Variants in COL13A1 observed in about 807,000 individuals in gnomAD.
COL13A1 encodes the protein collagen alpha-1(XIII) chain.
A neutral mutation model predicts 130.9 loss-of-function variants in COL13A1; 89 were observed. The ratio of observed to expected loss-of-function variants is 0.68; its 90% CI spans 0.57 to 0.81. COL13A1 has a LOEUF of 0.81. Ranked by LOEUF, COL13A1 falls within the 30% of genes least tolerant of loss-of-function variation. COL13A1 has a pLI of 0.00. For synonymous variants in COL13A1, 402 were observed against 341.6 expected (o/e 1.18, Z -1.95); for missense variants, 879 against 934.6 (o/e 0.94, Z 0.78).
chr10:69,859,010 C>T (rs1857236745), intron 2 of COL13A1, among the ~76,000 whole-genome samples: 1 of 152,072 alleles, frequency 6.6e-6, no homozygotes, highest in African/African-American at 2.4e-5. Flanking sequence ...GTCTTTGGGG[C>T]TAAGGGCATG....
At chr10:69,820,391 A>G (rs1363484415) in intron 1 of COL13A1, among the ~76,000 whole-genome samples, 3 of 151,800 alleles carry the variant, frequency 2.0e-5, no homozygotes, top group Non-Finnish European at 1.5e-5. Context: ...AATGCTGCCA[A>G]CTCCTCTGGT....
rs761635759 is a variant in COL13A1 at position 69,802,529 on chromosome 10, G to A, written c.106G>A (p.Gly36Ser). ...TCTGGTGGCGGCGCGGGCGGAGCGC[G>A]GCGCACGGCTGCCGAGTCCAGGGTC... The part of the protein sequence containing the change: ...VALVAARAER[G>S]ARLPSPGSCG... The change falls in exon 1 of 41, where the codon GGC becomes AGC. Residue 36 changes from glycine (G) to serine (S), a missense_variant. By Grantham distance (56) the Gly-to-Ser change is moderately conservative. This residue lies in a region of COL13A1 where 715 missense variants were observed against 721.0 expected (regional missense o/e 0.99). Coordinates refer to ENST00000645393, the MANE Select transcript of COL13A1 (RefSeq NM_001368882.1). The A allele has an allele frequency of 1.3e-6, 2 of 1,581,582 alleles. No homozygotes were observed. Among genetic ancestry groups the A allele is most frequent in the South Asian group, 1.1e-5 (1 of 88,154 alleles).
chr10:69,933,801 G>A (rs1473849947), intron 31 of COL13A1, among the ~76,000 whole-genome samples: 1 of 152,142 alleles, frequency 6.6e-6, no homozygotes, highest in African/African-American at 2.4e-5. Flanking sequence ...ATAACTTATA[G>A]TAATAATACT....
chr10:69,896,841 G>A (rs2061693161), intron 13 of COL13A1, among the ~76,000 whole-genome samples: 1 of 152,256 alleles, frequency 6.6e-6, no homozygotes, highest in South Asian at 2.1e-4. Context: ...CAGGGATGCA[G>A]GGGCCCTGCT....
intron 26 of COL13A1, 137 bp downstream of exon 26, chr10:69,926,009 G>A: frequency 2.9e-6 from 2 of 681,046 alleles, no homozygotes; most frequent in African/African-American, 1.8e-5. Flanking sequence ...CAGGAGAGCT[G>A]CTTCCTCGCT....
chr10:69,913,838 G>A (rs1448852754), intron 17 of COL13A1, among the ~76,000 whole-genome samples: 1 of 144,340 alleles, frequency 6.9e-6, no homozygotes, highest in Non-Finnish European at 1.5e-5. Context: ...GCCAGTGGGG[G>A]CGCCCCTGCT....
At chr10:69,849,316 G>A (rs1032311866) in intron 2 of COL13A1, among the ~76,000 whole-genome samples, 2 of 150,560 alleles carry the variant, frequency 1.3e-5, no homozygotes, top group Admixed American at 6.6e-5. Context: ...AGGCCCAGCT[G>A]CCTAGCCTGG....
At chr10:69,870,935 G>A (rs983458850) in intron 3 of COL13A1, among the ~76,000 whole-genome samples, 3 of 152,044 alleles carry the variant, frequency 2.0e-5, no homozygotes, top group African/African-American at 7.2e-5. Flanking sequence ...CTGAGAATGG[G>A]GCCTGAAATA....
In COL13A1 at chr10:69,932,560, GGA is replaced by G; in HGVS notation, c.1689_1690del (p.Lys564ArgfsTer131). On this transcript the variant is annotated frameshift_variant and splice_region_variant, in exon 31 of 41. Transcript: ENST00000645393. LOFTEE classifies it high-confidence loss of function. Reference protein sequence around the residue: ...KGETGQAGSPGEKGEAGEKGN... With the variant: ...KGETGQAGSPXEKGEAGEKGN... ...ATGCAGTGGTGTTTTGTGCCCACAG[GGA>G]GAGAAAGGAGAAGCCGGGGAGAAGG... is the stretch of plus-strand genomic sequence containing the variant. 6.2e-7 allele frequency: 1 copy of G among 1,610,954 alleles called. No homozygotes were observed. The highest frequency in any genetic ancestry group is 8.5e-7 in the Non-Finnish European group (1 of 1,177,424).
chr10:69,836,879 C>T (rs1414213888), intron 2 of COL13A1, among the ~76,000 whole-genome samples: 3 of 144,926 alleles, frequency 2.1e-5, no homozygotes, highest in Non-Finnish European at 4.5e-5. Flanking sequence ...GCCCAGCAGG[C>T]GGTGGGGGTA....
intron 3 of COL13A1, among the ~76,000 whole-genome samples, chr10:69,870,381 A>G (rs4746927): frequency 0.22 from 33,411 of 151,330 alleles, 3,834 homozygotes; most frequent in Middle Eastern, 0.28. Flanking sequence ...GGTGCGATCA[A>G]AGCTCACTGA....
chr10:69,834,292 A>G (rs1480266780), intron 2 of COL13A1, among the ~76,000 whole-genome samples: 1 of 152,178 alleles, frequency 6.6e-6, no homozygotes, highest in Non-Finnish European at 1.5e-5. Context: ...AACAGGTCAC[A>G]GTCCAGTCCA....
At chr10:69,864,164 G>A (rs1268980846) in intron 2 of COL13A1, among the ~76,000 whole-genome samples, 1 of 152,182 alleles carries the variant, frequency 6.6e-6, no homozygotes, top group African/African-American at 2.4e-5. Context: ...ACCTTAGGCA[G>A]GTTGCTTAAC....
intron 13 of COL13A1, among the ~76,000 whole-genome samples, chr10:69,897,136 A>G (rs117907584): frequency 9.9e-5 from 15 of 151,876 alleles, no homozygotes; most frequent in Non-Finnish European, 2.2e-4. Flanking sequence ...GTGAAGCCTG[A>G]CCTCATGACA....
intron 17 of COL13A1, among the ~76,000 whole-genome samples, chr10:69,914,088 G>T (rs534882557): frequency 2.6e-5 from 4 of 152,166 alleles, no homozygotes; most frequent in Non-Finnish European, 4.4e-5. Flanking sequence ...AATTAGCCTG[G>T]AGACTCTCAC....
At chr10:69,953,239 T>G (rs1399786354) in intron 39 of COL13A1, among the ~76,000 whole-genome samples, 2 of 152,172 alleles carry the variant, frequency 1.3e-5, no homozygotes, top group Non-Finnish European at 2.9e-5. Flanking sequence ...AGGAAACCAC[T>G]AGGAAAGGGA....
At chr10:69,929,066 C>T in intron 28 of COL13A1, 67 bp downstream of exon 28, 2 of 1,256,576 alleles carry the variant, frequency 1.6e-6, no homozygotes, top group East Asian at 2.4e-5. Context: ...CTTCCCCTCC[C>T]CCTGTGACCC....
intron 15 of COL13A1, among the ~76,000 whole-genome samples, chr10:69,904,355 C>A (rs575056023): frequency 6.6e-6 from 1 of 151,224 alleles, no homozygotes; most frequent in African/African-American, 2.5e-5. Context: ...TTGCAATAGA[C>A]CAGACTCAGG....
intron 1 of COL13A1, among the ~76,000 whole-genome samples, chr10:69,808,629 T>C (rs1382117408): frequency 6.6e-6 from 1 of 152,220 alleles, no homozygotes; most frequent in Non-Finnish European, 1.5e-5. Flanking sequence ...TTGCCATTCA[T>C]GGTTCAACCC....
Sources: allele counts gnomAD v4.1 joint callset (sites outside exome capture counted in the v4.1 genomes callset), GRCh38; gene constraint gnomAD v4.1.1; regional missense constraint gnomAD v4.1.1; transcripts MANE v1.5; gene names NCBI Gene and HGNC (gene_info 2026-07-23, HGNC 2026-07-21).